The following B4GALT6 variants were observed in gnomAD, a reference collection of about 807,000 sequenced individuals.
B4GALT6 encodes UDP-Gal:beta-GlcNAc beta-1,4-galactosyltransferase 6.
Under a neutral mutation model 46.3 loss-of-function variants are expected in B4GALT6, and 14 were observed. The observed-to-expected ratio is 0.30, with a 90% CI of 0.20 to 0.47. B4GALT6 has a LOEUF of 0.47. Ranked by LOEUF, B4GALT6 falls within the 20% of genes least tolerant of loss-of-function variation. B4GALT6 has a pLI of 0.99. For missense variants in B4GALT6, 386 were observed against 480.1 expected (o/e 0.80, Z 1.83); for synonymous variants, 168 against 162.0 (o/e 1.04, Z -0.28).
intron 1 of B4GALT6, among the ~76,000 whole-genome samples, chr18:31,679,156 A>G (rs2144740055): frequency 6.6e-6 from 1 of 152,330 alleles, no homozygotes; most frequent in East Asian, 1.9e-4. Flanking sequence ...AATGATAAGC[A>G]CTGCTGCAGA....
At chr18:31,703,569 T>C in the B4GALT6 span, among the ~76,000 whole-genome samples, 10 of 152,208 alleles carry the variant, frequency 6.6e-5, no homozygotes, top group South Asian at 1.2e-3. Flanking sequence ...CAACCAGAAA[T>C]TGGGACAGAA....
intron 3 of B4GALT6, among the ~76,000 whole-genome samples, chr18:31,651,941 T>C (rs1235164886): frequency 1.3e-5 from 2 of 152,130 alleles, no homozygotes; most frequent in Non-Finnish European, 2.9e-5. Flanking sequence ...CAGCTAATTT[T>C]TTTTATTTTT....
chr18:31,691,499 T>A, the B4GALT6 span, among the ~76,000 whole-genome samples: 445 of 151,932 alleles, frequency 2.9e-3, 1 homozygote, highest in Non-Finnish European at 4.5e-3. Flanking sequence ...AGTACCCTTT[T>A]ATCATATCAA....
At chr18:31,669,567 T>A (rs2074325780) in intron 1 of B4GALT6, among the ~76,000 whole-genome samples, 2 of 152,302 alleles carry the variant, frequency 1.3e-5, no homozygotes, top group South Asian at 4.1e-4. Flanking sequence ...TGAAAGTATC[T>A]ACAGCAACAA....
chr18:31,714,632 T>C, the B4GALT6 span, among the ~76,000 whole-genome samples: 3 of 152,196 alleles, frequency 2.0e-5, no homozygotes, highest in Non-Finnish European at 4.4e-5. Flanking sequence ...TATGTCTAGG[T>C]CATTCAACTA....
chr18:31,716,956 C>T, the B4GALT6 span, among the ~76,000 whole-genome samples: 19 of 151,698 alleles, frequency 1.3e-4, no homozygotes, highest in Non-Finnish European at 2.5e-4. Context: ...AAAAATTAGC[C>T]GAGCGTGTGG....
chr18:31,715,928 C>T, the B4GALT6 span, among the ~76,000 whole-genome samples: 2 of 152,060 alleles, frequency 1.3e-5, no homozygotes, highest in Non-Finnish European at 2.9e-5. Context: ...TTCATTATGT[C>T]ATCTGATCAT....
At chr18:31,661,578 C>T (rs1156633571) in intron 2 of B4GALT6, among the ~76,000 whole-genome samples, 1 of 152,040 alleles carries the variant, frequency 6.6e-6, no homozygotes. Flanking sequence ...CATATTATAG[C>T]TTTTGTTGCA....
chr18:31,638,963 G>A (rs2073897150), intron 4 of B4GALT6, among the ~76,000 whole-genome samples: 1 of 152,162 alleles, frequency 6.6e-6, no homozygotes, highest in South Asian at 2.1e-4. Flanking sequence ...GAGGTAGAAG[G>A]GGCTCTGAAG....
intron 1 of B4GALT6, among the ~76,000 whole-genome samples, chr18:31,676,691 A>T (rs1334266655): frequency 6.6e-6 from 1 of 152,234 alleles, no homozygotes; most frequent in Non-Finnish European, 1.5e-5. Context: ...TCTATGAAAT[A>T]TCAAATGATG....
At chr18:31,628,035 C>T (rs886493174) in intron 6 of B4GALT6, among the ~76,000 whole-genome samples, 4 of 152,216 alleles carry the variant, frequency 2.6e-5, no homozygotes, top group Non-Finnish European at 4.4e-5. Flanking sequence ...GTTAGACACT[C>T]GCCTCACATT....
Position 31,684,441 on chromosome 18 carries a change from C to A in B4GALT6, c.-15G>T. 1 of 1,611,694 alleles carries A rather than the reference C, an allele frequency of 6.2e-7. No homozygotes were observed. The highest frequency in any genetic ancestry group is 8.5e-7 in the Non-Finnish European group (1 of 1,178,780). On this transcript the variant is annotated 5_prime_UTR_variant, in exon 1 of 9. Coordinates refer to ENST00000306851, the MANE Select transcript of B4GALT6 (RefSeq NM_004775.5). ...AGCACAGACATCTTCCTCTTCCCTGCCAGCAGCCCAGGCTGCGCTCTCAGG... is the reference window on the plus strand; with the variant it reads ...AGCACAGACATCTTCCTCTTCCCTGACAGCAGCCCAGGCTGCGCTCTCAGG...
chr18:31,672,179 T>A (rs543168910), intron 1 of B4GALT6, among the ~76,000 whole-genome samples: 1 of 152,324 alleles, frequency 6.6e-6, no homozygotes, highest in South Asian at 2.1e-4. Context: ...CAACGCAGCA[T>A]CCCTGTGATC....
At chr18:31,712,287 A>ATTGTTTTTTTT in the B4GALT6 span, among the ~76,000 whole-genome samples, 2 of 84,642 alleles carry the variant, frequency 2.4e-5, no homozygotes, top group Non-Finnish European at 4.2e-5. Flanking sequence ...CTGGGACGTT[A>ATTGTTTTTTTT]TTTTTTTTTT....
chr18:31,659,073 A>G (rs957029059), intron 2 of B4GALT6, among the ~76,000 whole-genome samples: 3 of 152,182 alleles, frequency 2.0e-5, no homozygotes, highest in East Asian at 1.9e-4. Context: ...TCAACATGCA[A>G]TGAGTGAAAT....
chr18:31,636,073 C>T (rs1024336119), intron 5 of B4GALT6, among the ~76,000 whole-genome samples: 5 of 152,100 alleles, frequency 3.3e-5, no homozygotes, highest in Admixed American at 2.0e-4. Context: ...AATTCAATGG[C>T]GAAAACAGTC....
the B4GALT6 span, among the ~76,000 whole-genome samples, chr18:31,702,336 A>T: frequency 2.0e-5 from 3 of 152,218 alleles, no homozygotes; most frequent in Non-Finnish European, 4.4e-5. Context: ...ACAGGGATCT[A>T]TGTTTGCAGT....
chr18:31,698,761 G>A, the B4GALT6 span, among the ~76,000 whole-genome samples: 1 of 151,962 alleles, frequency 6.6e-6, no homozygotes, highest in African/African-American at 2.4e-5. Context: ...AGCAAAAAAA[G>A]GTCAGCTCAT....
At chr18:31,646,514 A>G (rs2073992677) in intron 3 of B4GALT6, among the ~76,000 whole-genome samples, 1 of 152,256 alleles carries the variant, frequency 6.6e-6, no homozygotes, top group Non-Finnish European at 1.5e-5. Context: ...ATCATCTTTT[A>G]GCAGTTTTAA....
Sources: allele counts gnomAD v4.1 joint callset (sites outside exome capture counted in the v4.1 genomes callset), GRCh38; gene constraint gnomAD v4.1.1; transcripts MANE v1.5; gene names NCBI Gene and HGNC (gene_info 2026-07-23, HGNC 2026-07-21).